The following FABP12 variants were observed in gnomAD, a reference collection of about 807,000 sequenced individuals.
FABP12 encodes fatty acid-binding protein 12.
In FABP12, 19 loss-of-function variants were observed where a neutral mutation model predicts 13.7. The ratio of observed to expected loss-of-function variants is 1.39; its 90% CI spans 0.97 to 2.04. The LOEUF (loss-of-function observed/expected upper bound fraction) is 2.04. Ranked by LOEUF, FABP12 falls within the 30% of genes most tolerant of loss-of-function variation. The probability of loss-of-function intolerance (pLI) is 0.00; values close to 1 mark genes in which losing one functional copy is unlikely to be tolerated. For synonymous variants in FABP12, 61 were observed against 57.0 expected, an observed-to-expected ratio of 1.07 and a Z score of -0.32; for missense variants, 182 against 164.2, an observed-to-expected ratio of 1.11 and a Z score of -0.59.
At chr8:81,531,420 A>G in intron 1 of FABP12, 30 bp from the exon 2 acceptor site, 1 of 690,518 alleles carries the variant, frequency 1.4e-6, no homozygotes, top group Non-Finnish European at 2.4e-6. Flanking sequence ...TGGGTAGAGA[A>G]TGAGATGAGA....
chr8:81,539,335 G>A (rs1027379121), intron 2 of FABP12, among the ~76,000 whole-genome samples: 1 of 149,042 alleles, frequency 6.7e-6, no homozygotes, highest in Non-Finnish European at 1.5e-5. Flanking sequence ...TGGAATAAAA[G>A]GCTGAATAAT....
chr8:81,526,087 AATC>A (rs1284098266), intron 4 of FABP12: 1 of 152,208 alleles, frequency 6.6e-6, no homozygotes, highest in Non-Finnish European at 1.5e-5. Context: ...CAATAAAATC[AATC>A]ATCCTTAGTC....
chr8:81,572,880 ATCT>A (rs1809961270), intron 1 of FABP12, among the ~76,000 whole-genome samples: 1 of 152,090 alleles, frequency 6.6e-6, no homozygotes, highest in Admixed American at 6.5e-5. Flanking sequence ...GATTCTAAAG[ATCT>A]TCTCCCACTC....
chr8:81,567,859 C>T (rs1809856722), intron 1 of FABP12, among the ~76,000 whole-genome samples: 1 of 151,920 alleles, frequency 6.6e-6, no homozygotes, highest in Non-Finnish European at 1.5e-5. Context: ...CGGTGGCTCA[C>T]GCCTGTAATC....
intron 1 of FABP12, among the ~76,000 whole-genome samples, chr8:81,573,915 C>T (rs1809980297): frequency 6.6e-6 from 1 of 152,132 alleles, no homozygotes; most frequent in Admixed American, 6.5e-5. Flanking sequence ...GACAGTTTGA[C>T]TTCCTTTTTA....
intron 1 of FABP12, among the ~76,000 whole-genome samples, chr8:81,585,068 G>T (rs1810222728): frequency 6.6e-6 from 1 of 152,114 alleles, no homozygotes; most frequent in African/African-American, 2.4e-5. Flanking sequence ...CTTTTGTTGT[G>T]CAGAAGCTTT....
intron 3 of FABP12, among the ~76,000 whole-genome samples, chr8:81,527,519 C>G (rs531838926): frequency 6.6e-6 from 1 of 152,038 alleles, no homozygotes; most frequent in South Asian, 2.1e-4. Context: ...CATACCACCA[C>G]GCCCAGCTAA....
At chr8:81,579,199 CT>C (rs33956590) in intron 1 of FABP12, among the ~76,000 whole-genome samples, 8,304 of 147,288 alleles carry the variant, frequency 0.056, 674 homozygotes, top group African/African-American at 0.19. Flanking sequence ...AAGAGAAAAA[CT>C]TTTTTTTTTT....
At chr8:81,552,125 A>G (rs1319126568) in intron 1 of FABP12, among the ~76,000 whole-genome samples, 1 of 152,184 alleles carries the variant, frequency 6.6e-6, no homozygotes, top group Non-Finnish European at 1.5e-5. Flanking sequence ...GCAGCTCACC[A>G]ATCTATGGGG....
chr8:81,583,878 A>C (rs1345368671), intron 1 of FABP12, among the ~76,000 whole-genome samples: 2 of 152,214 alleles, frequency 1.3e-5, no homozygotes, highest in African/African-American at 2.4e-5. Flanking sequence ...AGCAGACAGG[A>C]CACAACAAAA....
At chr8:81,550,069 G>T (rs1022512573) in intron 1 of FABP12, among the ~76,000 whole-genome samples, 1 of 152,062 alleles carries the variant, frequency 6.6e-6, no homozygotes, top group African/African-American at 2.4e-5. Context: ...TCTCAAATCT[G>T]TCCATTTTCT....
At chr8:81,527,903 G>A (rs1046178152) in intron 3 of FABP12, among the ~76,000 whole-genome samples, 32 of 151,802 alleles carry the variant, frequency 2.1e-4, no homozygotes, top group Non-Finnish European at 1.3e-4. Flanking sequence ...AGGCTACAAT[G>A]AGCCAAGATT....
chr8:81,566,294 GGAA>G (rs1809817915), intron 1 of FABP12, among the ~76,000 whole-genome samples: 5 of 151,924 alleles, frequency 3.3e-5, no homozygotes, highest in Non-Finnish European at 5.9e-5. Context: ...AGAGGAGAAG[GGAA>G]TACTTTCAAA....
At chr8:81,583,039 A>G (rs570883062) in intron 1 of FABP12, among the ~76,000 whole-genome samples, 2 of 152,194 alleles carry the variant, frequency 1.3e-5, no homozygotes, top group African/African-American at 4.8e-5. Flanking sequence ...CTAGAAATGC[A>G]TAAAAAGAGA....
chr8:81,539,777 C>A (rs767382290), intron 1 of FABP12, among the ~76,000 whole-genome samples: 3 of 152,140 alleles, frequency 2.0e-5, no homozygotes, highest in African/African-American at 4.8e-5. Context: ...AAGGTCAGAC[C>A]CAGGCAGCCT....
intron 1 of FABP12, among the ~76,000 whole-genome samples, chr8:81,532,419 C>T (rs531104930): frequency 1.3e-5 from 2 of 152,296 alleles, no homozygotes; most frequent in South Asian, 4.1e-4. Context: ...AATAGTCTTA[C>T]TGATAATTAT....
intron 1 of FABP12, among the ~76,000 whole-genome samples, chr8:81,540,670 CAGAA>C (rs1458139176): frequency 2.0e-5 from 3 of 152,072 alleles, no homozygotes; most frequent in Non-Finnish European, 2.9e-5. Flanking sequence ...GATCCTGGAA[CAGAA>C]AGAAACATTA....
intron 1 of FABP12, among the ~76,000 whole-genome samples, chr8:81,566,538 A>G (rs2130059880): frequency 6.6e-6 from 1 of 152,284 alleles, no homozygotes; most frequent in Middle Eastern, 3.4e-3. Flanking sequence ...AGTGTGGTAC[A>G]TCCTATCAAT....
intron 2 of FABP12, among the ~76,000 whole-genome samples, chr8:81,530,628 T>C (rs1450942896): frequency 6.6e-6 from 1 of 152,246 alleles, no homozygotes; most frequent in South Asian, 2.1e-4. Context: ...TTCCTAAAGA[T>C]ATTCACGTCT....
Sources: allele counts gnomAD v4.1 joint callset (sites outside exome capture counted in the v4.1 genomes callset), GRCh38; gene constraint gnomAD v4.1.1; transcripts MANE v1.5; gene names NCBI Gene and HGNC (gene_info 2026-07-23, HGNC 2026-07-21).